FANCD2: variants seen among roughly 807,000 people sequenced by gnomAD.
FANCD2 encodes the protein FA complementation group D2.
A neutral mutation model predicts 192.3 loss-of-function variants in FANCD2; 131 were observed. The observed-to-expected ratio is 0.68, with a 90% CI of 0.59 to 0.79. The LOEUF is 0.79. Among genes scored for constraint, FANCD2 ranks in the 30% least tolerant of loss-of-function variants. FANCD2 has a pLI of 0.00. For synonymous variants in FANCD2, 524 were observed against 612.5 expected, an observed-to-expected ratio of 0.86 and a Z score of 2.13; for missense variants, 1,508 against 1,701.6, an observed-to-expected ratio of 0.89 and a Z score of 2.00.
intron 2 of FANCD2, among the ~76,000 whole-genome samples, chr3:10,029,243 T>C (rs2086531686): frequency 6.6e-6 from 1 of 152,188 alleles, no homozygotes; most frequent in African/African-American, 2.4e-5. Flanking sequence ...CTCACACCTG[T>C]AATCCAAGCA....
At chr3:10,035,267 G>T (rs765602981) in intron 6 of FANCD2, 34 bp downstream of exon 6, 4 of 1,577,660 alleles carry the variant, frequency 2.5e-6, no homozygotes, top group Non-Finnish European at 3.5e-6. Flanking sequence ...AACATTTGAT[G>T]GAAGAGGTTT....
intron 26 of FANCD2, among the ~76,000 whole-genome samples, chr3:10,072,383 A>G (rs567487086): frequency 6.6e-6 from 1 of 151,602 alleles, no homozygotes; most frequent in South Asian, 2.1e-4. Context: ...GGTTCAAGCA[A>G]TTCTCCTGCC....
intron 10 of FANCD2, among the ~76,000 whole-genome samples, chr3:10,041,933 C>G (rs1242181033): frequency 2.1e-5 from 3 of 141,104 alleles, no homozygotes; most frequent in African/African-American, 8.1e-5. Context: ...GAGTATCACT[C>G]TGTCACCCAG....
rs113043076 is a variant in FANCD2, at chr3:10,053,370, G to A, written c.1656+873G>A. Among the ~76,000 whole-genome samples, 8 of 132,942 alleles carry A rather than the reference G, an allele frequency of 6.0e-5. 1 individual carries two copies. Among genetic ancestry groups the A allele is most frequent in the African/African-American group, 2.2e-4 (8 of 35,918 alleles). 87.2% of individuals were successfully genotyped at this position (132,942 alleles called of 152,430 possible). On this transcript the variant is annotated intron_variant, in intron 18 of 43. Coordinates refer to ENST00000675286, the MANE Select transcript of FANCD2 (RefSeq NM_001018115.3). ...AGGAAGGGGAACATCACACTCTGGG[G>A]ACTTTGTGGGGTGGGGGGAGGCGGG...
At chr3:10,085,127 C>G (rs1209512389) in intron 32 of FANCD2, among the ~76,000 whole-genome samples, 1 of 152,112 alleles carries the variant, frequency 6.6e-6, no homozygotes, top group Admixed American at 6.6e-5. Flanking sequence ...AGCAGTTTGA[C>G]AAAATTATTC....
rs1247410343 is a variant in FANCD2 at position 10,062,209 on chromosome 3, C to T, written c.1825C>T (p.Gln609Ter). Residue 609 changes from glutamine (Q) to a stop codon, truncating the protein, a stop_gained and splice_region_variant, in exon 20 of 44, where the codon CAG (glutamine) becomes TAG (stop). Transcript: ENST00000675286. LOFTEE classifies it high-confidence loss of function. ...CAACCTGAGCGATGAGCAGTGCACACAGGTGAGTTCTTTTTTTCCTTTCTT... is the reference window on the plus strand; with the variant it reads ...CAACCTGAGCGATGAGCAGTGCACATAGGTGAGTTCTTTTTTTCCTTTCTT... ...RANLSDEQCTQVTSLLQLVHS... is the reference protein window; with the variant it reads ...RANLSDEQCT 3 of 1,610,886 alleles carry T rather than the reference C, an allele frequency of 1.9e-6. No homozygotes were observed. The highest frequency in any genetic ancestry group is 2.5e-6 in the Non-Finnish European group (3 of 1,177,894).
intron 16 of FANCD2, among the ~76,000 whole-genome samples, chr3:10,049,001 G>A (rs2087116474): frequency 6.6e-6 from 1 of 151,870 alleles, no homozygotes; most frequent in African/African-American, 2.4e-5. Flanking sequence ...AACCTTTAAA[G>A]CTTTTAGCTC....
rs374343764 is a variant in FANCD2, at chr3:10,096,352, A to T, written c.4065A>T (p.Gln1355His). 5.0e-6 allele frequency: 8 copies of T among 1,614,064 alleles called. No homozygotes were observed. The highest frequency in any genetic ancestry group is 6.8e-6 in the Non-Finnish European group (8 of 1,180,026). The change falls in exon 42 of 44, where the codon CAA (glutamine) becomes CAT (histidine). Residue 1355 changes from glutamine (Q) to histidine (H), a missense_variant. Gln to His is a conservative substitution (Grantham distance 24). Transcript: ENST00000675286. ...SKIHQDTRLT[Q>H]HVPLLKKTLE... ...TTCACCAGGACACGAGACTCACCCA[A>T]CATGTGCCTCTGCTCAAAAAGACCC... is the stretch of plus-strand genomic sequence containing the variant.
intron 2 of FANCD2, among the ~76,000 whole-genome samples, chr3:10,030,622 G>A (rs919475346): frequency 3.3e-5 from 5 of 152,064 alleles, no homozygotes; most frequent in Admixed American, 6.6e-5. Flanking sequence ...ACTGTGGGCC[G>A]GGCACAGTGG....
intron 1 of FANCD2, 141 bp from the exon 2 acceptor site, chr3:10,028,484 T>C: frequency 1.5e-6 from 1 of 648,468 alleles, no homozygotes; most frequent in Non-Finnish European, 2.8e-6. Context: ...GAAATTTGCT[T>C]AGCACCTAGG....
intron 27 of FANCD2, 99 bp from the exon 28 acceptor site, chr3:10,073,154 C>T (rs1486836560): frequency 1.5e-5 from 15 of 1,020,158 alleles, no homozygotes; most frequent in African/African-American, 4.8e-5. Context: ...CCTCTTCTAC[C>T]TCTAGGCAGT....
intron 9 of FANCD2, chr3:10,040,785 C>A: frequency 3.0e-6 from 1 of 336,864 alleles, no homozygotes; most frequent in Non-Finnish European, 5.8e-6. Context: ...CCAGTGATTT[C>A]TTGCCCTCAT....
At chr3:10,047,291 T>G (rs911091149) in intron 15 of FANCD2, among the ~76,000 whole-genome samples, 1 of 152,296 alleles carries the variant, frequency 6.6e-6, no homozygotes, top group Non-Finnish European at 1.5e-5. Context: ...ATACATGTTT[T>G]GGGCTGTAAT....
intron 26 of FANCD2, among the ~76,000 whole-genome samples, chr3:10,070,263 C>T (rs1429284538): frequency 2.7e-5 from 4 of 149,280 alleles, no homozygotes; most frequent in Admixed American, 6.6e-5. Flanking sequence ...TCCCTCCGCC[C>T]GGCAGCCACC....
At chr3:10,094,873 G>A in intron 40 of FANCD2, 1 of 395,142 alleles carries the variant, frequency 2.5e-6, no homozygotes, top group Non-Finnish European at 4.8e-6. Flanking sequence ...CACCATATTT[G>A]GTTGGTCCCT....
intron 6 of FANCD2, among the ~76,000 whole-genome samples, chr3:10,035,990 TGAAG>T: frequency 6.6e-6 from 1 of 152,154 alleles, no homozygotes; most frequent in East Asian, 1.9e-4. Flanking sequence ...ATTCTAAAAA[TGAAG>T]ACATATTCGT....
At chr3:10,053,668 T>G (rs1356405414) in intron 18 of FANCD2, among the ~76,000 whole-genome samples, 1 of 151,428 alleles carries the variant, frequency 6.6e-6, no homozygotes, top group Non-Finnish European at 1.5e-5. Flanking sequence ...TGTGTAGTAG[T>G]GGAAATGGAG....
chr3:10,041,432 T>C (rs2086861392), intron 9 of FANCD2, 191 bp from the exon 10 acceptor site: 1 of 524,998 alleles, frequency 1.9e-6, no homozygotes, highest in Admixed American at 3.2e-5. Flanking sequence ...ATTATTTGAA[T>C]TTTTATAATG....
intron 35 of FANCD2, 98 bp from the exon 36 acceptor site, chr3:10,088,730 C>G: frequency 1.5e-6 from 2 of 1,341,196 alleles, no homozygotes; most frequent in East Asian, 2.3e-5. Flanking sequence ...TGTTAGCTAA[C>G]TGCTTATTGT....
Sources: allele counts gnomAD v4.1 joint callset (sites outside exome capture counted in the v4.1 genomes callset), GRCh38; gene constraint gnomAD v4.1.1; transcripts MANE v1.5; gene names NCBI Gene and HGNC (gene_info 2026-07-23, HGNC 2026-07-21).